The following MGMT variants were observed in gnomAD, a reference collection of about 807,000 sequenced individuals.
MGMT encodes the protein O-6-methylguanine-DNA methyltransferase, also known as methylated-DNA--protein-cysteine methyltransferase.
A neutral mutation model predicts 15.9 loss-of-function variants in MGMT; 14 were observed. That is an observed-to-expected ratio of 0.88 (90% CI 0.58 to 1.37). MGMT has a LOEUF of 1.37. Ranked by LOEUF, MGMT falls within the 40% of genes most tolerant of loss-of-function variation. MGMT has a pLI of 0.00. For missense variants in MGMT, 282 were observed against 268.1 expected (o/e 1.05, Z -0.36); for synonymous variants, 130 against 118.2 (o/e 1.10, Z -0.65).
chr10:129,560,706 G>T lies in MGMT; in HGVS notation c.125+24329G>T, dbSNP rs74160227. Among the ~76,000 whole-genome samples the T allele has an allele frequency of 7.6e-3, 1,162 of 152,286 alleles. 20 individuals carry two copies. The highest frequency in any genetic ancestry group is 0.027 in the African/African-American group (1,121 of 41,548). On this transcript the variant is annotated intron_variant, in intron 2 of 4. Transcript: ENST00000651593. ...ATACAAATATATAAATTATTAAGCA[G>T]TTAACCAGTGACACATTCATCAGCT...
At chr10:129,593,728 C>T (rs1460378031) in intron 2 of MGMT, among the ~76,000 whole-genome samples, 2 of 152,312 alleles carry the variant, frequency 1.3e-5, no homozygotes, top group East Asian at 1.9e-4. Context: ...AAGTACGCCA[C>T]AGACACCCAG....
intron 2 of MGMT, among the ~76,000 whole-genome samples, chr10:129,547,614 T>C (rs1846111542): frequency 6.6e-6 from 1 of 152,216 alleles, no homozygotes; most frequent in Non-Finnish European, 1.5e-5. Context: ...GCAGTGATTG[T>C]TCTTGATGGA....
intron 2 of MGMT, among the ~76,000 whole-genome samples, chr10:129,559,765 G>T (rs146522197): frequency 1.4e-4 from 21 of 152,094 alleles, no homozygotes; most frequent in African/African-American, 4.8e-4. Context: ...ATTTTATTAG[G>T]TCCTTTTAAA....
chr10:129,711,575 G>C (rs990917335), intron 3 of MGMT, among the ~76,000 whole-genome samples: 5 of 152,190 alleles, frequency 3.3e-5, no homozygotes, highest in Non-Finnish European at 2.9e-5. Context: ...CTAATTTCTC[G>C]TTCAAGTGTT....
chr10:129,744,749 C>A (rs1246760799), intron 3 of MGMT, among the ~76,000 whole-genome samples: 2 of 152,248 alleles, frequency 1.3e-5, no homozygotes, highest in South Asian at 2.1e-4. Context: ...CCTGGCCCGC[C>A]ACATCGCCAG....
chr10:129,658,445 A>G (rs961136997), intron 2 of MGMT, among the ~76,000 whole-genome samples: 2 of 152,254 alleles, frequency 1.3e-5, no homozygotes, highest in Non-Finnish European at 2.9e-5. Context: ...TTAGCTTGCC[A>G]GTATTTCTTA....
At chr10:129,696,674 C>T (rs200357008) in intron 2 of MGMT, among the ~76,000 whole-genome samples, 76 of 152,342 alleles carry the variant, frequency 5.0e-4, no homozygotes, top group East Asian at 1.4e-3. Context: ...TCTACCCATT[C>T]GCTCAGTGGG....
At chr10:129,739,054 C>T (rs1337605015) in intron 3 of MGMT, among the ~76,000 whole-genome samples, 3 of 152,160 alleles carry the variant, frequency 2.0e-5, no homozygotes, top group African/African-American at 7.2e-5. Flanking sequence ...AGACAAAAAC[C>T]ATATGATTAT....
intron 3 of MGMT, among the ~76,000 whole-genome samples, chr10:129,716,548 A>G (rs1324693479): frequency 6.6e-6 from 1 of 152,206 alleles, no homozygotes; most frequent in African/African-American, 2.4e-5. Flanking sequence ...AGTAAGACCT[A>G]GCAACCGAGC....
At chr10:129,619,978 G>A (rs567581611) in intron 2 of MGMT, among the ~76,000 whole-genome samples, 2 of 152,236 alleles carry the variant, frequency 1.3e-5, no homozygotes, top group African/African-American at 4.8e-5. Context: ...GAAGCAGTGG[G>A]TCCCACTGAA....
intron 2 of MGMT, among the ~76,000 whole-genome samples, chr10:129,581,614 T>G (rs1846556227): frequency 6.6e-6 from 1 of 152,204 alleles, no homozygotes. Flanking sequence ...CGTCTCAGAA[T>G]AAGATATTCT....
intron 1 of MGMT, among the ~76,000 whole-genome samples, chr10:129,469,939 T>A (rs1310805393): frequency 6.6e-6 from 1 of 152,118 alleles, no homozygotes; most frequent in Admixed American, 6.6e-5. Flanking sequence ...CTCGAACTCC[T>A]GGACTCAAGT....
intron 2 of MGMT, among the ~76,000 whole-genome samples, chr10:129,604,247 T>C (rs1453149856): frequency 6.6e-6 from 1 of 152,152 alleles, no homozygotes; most frequent in East Asian, 1.9e-4. Flanking sequence ...GCTAGTGAAG[T>C]GGATGGTGGA....
chr10:129,559,179 TA>T (rs1200798498), intron 2 of MGMT, among the ~76,000 whole-genome samples: 2 of 152,190 alleles, frequency 1.3e-5, no homozygotes, highest in Non-Finnish European at 2.9e-5. Context: ...TCACTGATAC[TA>T]AGAGTGATTA....
chr10:129,513,251 T>G (rs1845703755), intron 1 of MGMT, among the ~76,000 whole-genome samples: 1 of 152,168 alleles, frequency 6.6e-6, no homozygotes, highest in African/African-American at 2.4e-5. Context: ...GGGAGAGCTA[T>G]TGTTAAATGG....
At chr10:129,567,594 A>G (rs974623536) in intron 2 of MGMT, among the ~76,000 whole-genome samples, 50 of 152,000 alleles carry the variant, frequency 3.3e-4, no homozygotes, top group African/African-American at 9.7e-4. Context: ...ATTCAAGGGG[A>G]AAAAAAACCT....
At chr10:129,646,315 C>T (rs1183416693) in intron 2 of MGMT, among the ~76,000 whole-genome samples, 1 of 151,996 alleles carries the variant, frequency 6.6e-6, no homozygotes, top group Admixed American at 6.6e-5. Context: ...TTTACGTTGG[C>T]CTATGAAGGA....
intron 3 of MGMT, among the ~76,000 whole-genome samples, chr10:129,735,388 T>C (rs1267250450): frequency 6.6e-6 from 1 of 152,232 alleles, no homozygotes; most frequent in Non-Finnish European, 1.5e-5. Flanking sequence ...TTTGTATTTC[T>C]GTGGGATTGG....
intron 2 of MGMT, among the ~76,000 whole-genome samples, chr10:129,628,932 A>C (rs2133081162): frequency 6.6e-6 from 1 of 152,286 alleles, no homozygotes; most frequent in South Asian, 2.1e-4. Flanking sequence ...ACAGCCATTG[A>C]AACTCAAAGA....
Sources: allele counts gnomAD v4.1 joint callset (sites outside exome capture counted in the v4.1 genomes callset), GRCh38; gene constraint gnomAD v4.1.1; transcripts MANE v1.5; gene names NCBI Gene and HGNC (gene_info 2026-07-23, HGNC 2026-07-21).